CPNE8: variants seen among roughly 807,000 people sequenced by gnomAD.
The protein encoded by CPNE8 is copine 8, also known as copine-8.
CPNE8 carries 45 observed loss-of-function variants against 81.5 expected under a neutral mutation model. The observed-to-expected ratio is 0.55, with a 90% CI of 0.44 to 0.71. The LOEUF (loss-of-function observed/expected upper bound fraction) is 0.71, where lower values mean the gene tolerates loss of function less well. Among genes scored for constraint, CPNE8 ranks in the 30% least tolerant of loss-of-function variants. CPNE8 has a pLI of 0.00. For synonymous variants in CPNE8, 252 were observed against 226.3 expected (o/e 1.11, Z -1.02); for missense variants, 594 against 672.1 (o/e 0.88, Z 1.28).
At chr12:38,749,707 G>C (rs542137489) in intron 10 of CPNE8, among the ~76,000 whole-genome samples, 2 of 152,146 alleles carry the variant, frequency 1.3e-5, no homozygotes, top group Non-Finnish European at 2.9e-5. Flanking sequence ...ATGATTTAGG[G>C]TATCTAGGAG....
intron 10 of CPNE8, among the ~76,000 whole-genome samples, chr12:38,742,941 A>C (rs1371686177): frequency 2.0e-5 from 3 of 151,906 alleles, no homozygotes; most frequent in Non-Finnish European, 4.4e-5. Flanking sequence ...TCATGTGTGC[A>C]TCAATATAGA....
chr12:38,871,992 G>C (rs1374890505), intron 3 of CPNE8, among the ~76,000 whole-genome samples: 1 of 151,984 alleles, frequency 6.6e-6, no homozygotes, highest in Admixed American at 6.6e-5. Flanking sequence ...AAAATTAGCC[G>C]GGCATGGTGG....
rs1284555288 is a variant in CPNE8 at position 38,677,538 on chromosome 12, T to C, written c.1288A>G (p.Lys430Glu). 3.1e-6 allele frequency: 5 copies of C among 1,610,292 alleles called. No homozygotes were observed. The highest frequency in any genetic ancestry group is 4.2e-6 in the Non-Finnish European group (5 of 1,177,154). ...NHVARYASSVKDGSQYFVLLI... is the reference protein window; with the variant it reads ...NHVARYASSVEDGSQYFVLLI... ...AGCACAAAATACTGGGAGCCATCCT[T>C]TACAGAAGAAGCATATCTGAAAGGC... The change falls in exon 17 of 20, where the codon AAG (lysine) becomes GAG (glutamate). Residue 430 changes from lysine (K) to glutamate (E), a missense_variant. Coordinates refer to ENST00000331366, the MANE Select transcript of CPNE8 (RefSeq NM_153634.3).
At chr12:38,672,409 G>T (rs1291833275) in intron 18 of CPNE8, among the ~76,000 whole-genome samples, 1 of 152,218 alleles carries the variant, frequency 6.6e-6, no homozygotes, top group Non-Finnish European at 1.5e-5. Flanking sequence ...AGAGCAAGAA[G>T]AGAGATGGTG....
chr12:38,798,966 T>C (rs1346471210), intron 6 of CPNE8, among the ~76,000 whole-genome samples: 2 of 152,150 alleles, frequency 1.3e-5, no homozygotes, highest in Admixed American at 6.5e-5. Context: ...CATTACATAA[T>C]GGTAAAGGGA....
intron 8 of CPNE8, among the ~76,000 whole-genome samples, chr12:38,766,070 G>A (rs970805765): frequency 6.6e-6 from 1 of 152,050 alleles, no homozygotes; most frequent in South Asian, 2.1e-4. Context: ...ATGTTGACCA[G>A]GATGGTCTCG....
intron 14 of CPNE8, among the ~76,000 whole-genome samples, chr12:38,696,488 G>A (rs766037950): frequency 6.6e-6 from 1 of 152,098 alleles, no homozygotes; most frequent in African/African-American, 2.4e-5. Context: ...TTTGTAGTAG[G>A]TTAATAACAT....
chr12:38,653,861 CAT>C lies in CPNE8; in HGVS notation c.*19_*20del. 1 of 1,605,186 alleles carries C rather than the reference CAT, an allele frequency of 6.2e-7. No homozygotes were observed. Among genetic ancestry groups the C allele is most frequent in the East Asian group, 2.3e-5 (1 of 44,338 alleles). ...CTCAGCACTTTTGATTTGTAGTTGA[CAT>C]TAGCATTTCAGAGCACAGTCATATT... On this transcript the variant is annotated 3_prime_UTR_variant, in exon 20 of 20. Coordinates refer to ENST00000331366, the MANE Select transcript of CPNE8 (RefSeq NM_153634.3).
chr12:38,767,642 C>G lies in CPNE8; in HGVS notation c.568G>C (p.Asp190His). 1 of 1,548,122 alleles carries G rather than the reference C, an allele frequency of 6.5e-7. No individual in the cohort carries two copies. The highest frequency in any genetic ancestry group is 2.5e-5 in the East Asian group (1 of 40,336). The change falls in exon 8 of 20, where the codon GAT (aspartate) becomes CAT (histidine). Residue 190 changes from aspartate to histidine, a missense_variant. Coordinates refer to ENST00000331366, the MANE Select transcript of CPNE8 (RefSeq NM_153634.3). ...PFLVFYRSNE[D>H]GSFTICHKTE... ...CATAAAAGATAAATCTACCTGCCAT[C>G]TTCATTACTTCGATAAAATACAAGG...
At chr12:38,864,247 C>A (rs1308001819) in intron 3 of CPNE8, among the ~76,000 whole-genome samples, 1 of 152,052 alleles carries the variant, frequency 6.6e-6, no homozygotes, top group African/African-American at 2.4e-5. Flanking sequence ...AGCCCATAGG[C>A]CAAATCTGGC....
At chr12:38,796,158 A>G (rs1942466441) in intron 6 of CPNE8, among the ~76,000 whole-genome samples, 1 of 152,090 alleles carries the variant, frequency 6.6e-6, no homozygotes, top group Non-Finnish European at 1.5e-5. Context: ...GTGGCAGTGC[A>G]TGCCTGTAAT....
At chr12:38,794,635 A>T (rs902197077) in intron 6 of CPNE8, among the ~76,000 whole-genome samples, 15 of 138,864 alleles carry the variant, frequency 1.1e-4, no homozygotes, top group East Asian at 6.3e-4. Context: ...ACTACTATTT[A>T]AAAAAAAACT....
intron 3 of CPNE8, among the ~76,000 whole-genome samples, chr12:38,868,341 A>G (rs1396639591): frequency 6.6e-6 from 1 of 152,182 alleles, no homozygotes; most frequent in African/African-American, 2.4e-5. Flanking sequence ...TTTAAAAACT[A>G]TTAATAAAGT....
chr12:38,761,214 C>CT (rs1461315331), intron 9 of CPNE8, among the ~76,000 whole-genome samples: 2 of 152,184 alleles, frequency 1.3e-5, no homozygotes, highest in Non-Finnish European at 2.9e-5. Flanking sequence ...CAGTGTTTCT[C>CT]AAACTCAGCA....
At chr12:38,834,403 T>C (rs915157395) in intron 5 of CPNE8, among the ~76,000 whole-genome samples, 4 of 152,170 alleles carry the variant, frequency 2.6e-5, no homozygotes, top group Admixed American at 6.5e-5. Context: ...ATGTACCTCA[T>C]TATATGAACC....
At chr12:38,900,503 A>G (rs1944445808) in intron 1 of CPNE8, among the ~76,000 whole-genome samples, 1 of 152,166 alleles carries the variant, frequency 6.6e-6, no homozygotes, top group South Asian at 2.1e-4. Flanking sequence ...CCTCAAGGAG[A>G]ATAGAAAGAC....
chr12:38,679,904 A>G (rs1424732084), intron 16 of CPNE8, among the ~76,000 whole-genome samples: 1 of 151,828 alleles, frequency 6.6e-6, no homozygotes, highest in Non-Finnish European at 1.5e-5. Flanking sequence ...TTTTTCTAGG[A>G]GGTGACACTG....
chr12:38,740,518 T>C (rs1424250115), intron 10 of CPNE8, among the ~76,000 whole-genome samples: 2 of 152,214 alleles, frequency 1.3e-5, no homozygotes, highest in East Asian at 3.9e-4. Context: ...CAGTATGATA[T>C]TGGCTGTGGG....
At chr12:38,905,858 TGGTGGACC>T (rs1944563845), upstream of CPNE8, 2 of 985,304 alleles carry the variant, frequency 2.0e-6, no homozygotes, top group Non-Finnish European at 2.4e-6. Flanking sequence ...GGGTCAGGCT[TGGTGGACC>T]CAGCAAGCAG....
Sources: gnomAD v4.1 joint callset for allele counts (sites outside exome capture counted in the v4.1 genomes callset) on GRCh38, gnomAD v4.1.1 for gene constraint, MANE v1.5 for transcripts, NCBI Gene and HGNC (gene_info 2026-07-23, HGNC 2026-07-21) for gene names.